PDE1C: variants seen among roughly 807,000 people sequenced by gnomAD.
The protein encoded by PDE1C is phosphodiesterase 1C, also known as dual specificity calcium/calmodulin-dependent 3',5'-cyclic nucleotide phosphodiesterase 1C.
Under a neutral mutation model 93.1 loss-of-function variants are expected in PDE1C, and 62 were observed. That is an observed-to-expected ratio of 0.67 (90% CI 0.54 to 0.82). The LOEUF (loss-of-function observed/expected upper bound fraction) is 0.82. Among genes scored for constraint, PDE1C ranks in the 40% least tolerant of loss-of-function variants. The pLI, the probability that PDE1C is intolerant of heterozygous loss-of-function variation, is 0.00. For missense variants in PDE1C, 742 were observed against 884.6 expected (o/e 0.84, Z 2.04); for synonymous variants, 325 against 310.1 (o/e 1.05, Z -0.50).
intron 2 of PDE1C, among the ~76,000 whole-genome samples, chr7:31,961,647 T>A (rs111895587): frequency 3.3e-5 from 5 of 152,284 alleles, no homozygotes; most frequent in African/African-American, 1.2e-4. Flanking sequence ...CCATACTGGA[T>A]CATGCTGGGA....
chr7:32,422,729 G>A (rs552579872), intron 1 of PDE1C, among the ~76,000 whole-genome samples: 50 of 151,936 alleles, frequency 3.3e-4, no homozygotes, highest in Non-Finnish European at 6.6e-4. Flanking sequence ...TTTAACTTTC[G>A]CATTGGTCAT....
At chr7:32,025,204 C>A (rs1789253778) in intron 2 of PDE1C, among the ~76,000 whole-genome samples, 1 of 152,082 alleles carries the variant, frequency 6.6e-6, no homozygotes, top group Admixed American at 6.6e-5. Flanking sequence ...TCAAACTGGG[C>A]TTTTATGGCT....
intron 6 of PDE1C, among the ~76,000 whole-genome samples, chr7:31,868,634 A>G (rs1336903233): frequency 6.6e-6 from 1 of 152,184 alleles, no homozygotes; most frequent in Non-Finnish European, 1.5e-5. Flanking sequence ...ATTTAACAAA[A>G]TACTAGTGGA....
chr7:32,145,133 G>A (rs1380695151), intron 3 of PDE1C, among the ~76,000 whole-genome samples: 2 of 152,222 alleles, frequency 1.3e-5, no homozygotes, highest in East Asian at 1.9e-4. Context: ...TCTGTTATAA[G>A]AAGATAACTG....
At chr7:31,920,737 C>T (rs1381098373) in intron 2 of PDE1C, among the ~76,000 whole-genome samples, 1 of 152,138 alleles carries the variant, frequency 6.6e-6, no homozygotes, top group African/African-American at 2.4e-5. Flanking sequence ...CGAAGTTGAT[C>T]ACTGTCCTTG....
upstream of PDE1C, among the ~76,000 whole-genome samples, chr7:32,076,158 CTATGGA>C (rs1398952321): frequency 1.3e-5 from 2 of 152,154 alleles, no homozygotes; most frequent in African/African-American, 4.8e-5. Flanking sequence ...GACCCCATAC[CTATGGA>C]TAGAGTGATT....
chr7:32,034,048 G>A (rs1790685562), intron 2 of PDE1C, among the ~76,000 whole-genome samples: 1 of 114,460 alleles, frequency 8.7e-6, no homozygotes, highest in Non-Finnish European at 1.8e-5. Context: ...GTAGTAAGAT[G>A]AGAGACTGTG....
chr7:31,772,226 G>C (rs1795537723), intron 17 of PDE1C, among the ~76,000 whole-genome samples: 1 of 152,026 alleles, frequency 6.6e-6, no homozygotes, highest in Non-Finnish European at 1.5e-5. Context: ...TCCAAAGCTA[G>C]CTCGGTCTGG....
chr7:31,895,580 T>TTCTCTCTCTCTCTCTCTCTC (rs60958547), intron 2 of PDE1C, among the ~76,000 whole-genome samples: 2 of 144,918 alleles, frequency 1.4e-5, no homozygotes, highest in African/African-American at 5.2e-5. Context: ...TTTCTCTCTT[T>TTCTCTCTCTCTCTCTCTCTC]TCTCTCTCTC....
intron 1 of PDE1C, among the ~76,000 whole-genome samples, chr7:32,226,230 G>T (rs573830810): frequency 6.6e-6 from 1 of 152,242 alleles, no homozygotes; most frequent in East Asian, 1.9e-4. Context: ...CCCTCACTCA[G>T]CCTCTGTGGG....
At chr7:31,803,666 C>T (rs4333475) in intron 16 of PDE1C, among the ~76,000 whole-genome samples, 7,216 of 151,868 alleles carry the variant, frequency 0.048, 246 homozygotes, top group South Asian at 0.11. Context: ...TTTGTCCTTG[C>T]GACAGTTTGC....
chr7:31,642,544 G>C, the PDE1C span: 2 of 775,644 alleles, frequency 2.6e-6, no homozygotes, highest in South Asian at 3.8e-5. Context: ...TTGGTAAAGA[G>C]GTAAACAGAT....
chr7:32,367,470 G>A (rs375040321), intron 1 of PDE1C, among the ~76,000 whole-genome samples: 1 of 152,164 alleles, frequency 6.6e-6, no homozygotes, highest in African/African-American at 2.4e-5. Context: ...TATACCTGCT[G>A]AATAGATTAA....
At chr7:31,961,225 C>T (rs771274550) in intron 2 of PDE1C, among the ~76,000 whole-genome samples, 8 of 149,892 alleles carry the variant, frequency 5.3e-5, no homozygotes, top group South Asian at 2.1e-4. Context: ...TTAAATCACT[C>T]GTACATGTAT....
At chr7:32,224,915 C>T (rs1465587304) in intron 1 of PDE1C, among the ~76,000 whole-genome samples, 3 of 151,942 alleles carry the variant, frequency 2.0e-5, no homozygotes, top group African/African-American at 7.2e-5. Flanking sequence ...GCAGGAAAAA[C>T]CCAGCTATGG....
chr7:32,078,332 A>C (rs1444141909), intron 3 of PDE1C, among the ~76,000 whole-genome samples: 2 of 152,180 alleles, frequency 1.3e-5, no homozygotes, highest in African/African-American at 4.8e-5. Flanking sequence ...CACTGTCTCT[A>C]AACTTTCTGT....
At chr7:32,024,679 A>C (rs1481072908) in intron 2 of PDE1C, among the ~76,000 whole-genome samples, 1 of 152,096 alleles carries the variant, frequency 6.6e-6, no homozygotes, top group African/African-American at 2.4e-5. Flanking sequence ...GGTAGGCCTA[A>C]GTTGAATCAC....
intron 3 of PDE1C, among the ~76,000 whole-genome samples, chr7:32,168,411 A>G (rs1365979862): frequency 6.6e-6 from 1 of 152,216 alleles, no homozygotes; most frequent in Non-Finnish European, 1.5e-5. Flanking sequence ...TGTTATTTTC[A>G]TGAGAGTAAC....
At chr7:31,664,347 G>GTTTTTTTTTTTTTTTTTTTTTTT in the PDE1C span, among the ~76,000 whole-genome samples, 3 of 151,896 alleles carry the variant, frequency 2.0e-5, no homozygotes, top group African/African-American at 7.3e-5. Context: ...GCAGGTGTTT[G>GTTTTTTTTTTTTTTTTTTTTTTT]TTTAAAGGAA....
Sources: allele counts gnomAD v4.1 joint callset (sites outside exome capture counted in the v4.1 genomes callset), GRCh38; gene constraint gnomAD v4.1.1; transcripts MANE v1.5; gene names NCBI Gene and HGNC (gene_info 2026-07-23, HGNC 2026-07-21).